Variants in PCDHGB4 observed in about 807,000 individuals in gnomAD.
The protein encoded by PCDHGB4 is protocadherin gamma-B4.
PCDHGB4 carries 38 observed loss-of-function variants against 60.5 expected under a neutral mutation model. That is an observed-to-expected ratio of 0.63 (90% confidence interval 0.48 to 0.82). The LOEUF (loss-of-function observed/expected upper bound fraction) is 0.82, where lower values mean the gene tolerates loss of function less well. Among genes scored for constraint, PCDHGB4 ranks in the 40% least tolerant of loss-of-function variants. The probability of loss-of-function intolerance (pLI) is 0.00; values close to 1 mark genes in which losing one functional copy is unlikely to be tolerated. For synonymous variants in PCDHGB4, 456 were observed against 509.7 expected (o/e 0.89, Z 1.42); for missense variants, 1,109 against 1,209.6 (o/e 0.92, Z 1.23).
intron 1 of PCDHGB4, chr5:141,393,872 T>G (rs774307056): frequency 1.2e-6 from 2 of 1,613,898 alleles, no homozygotes; most frequent in Admixed American, 3.3e-5. Flanking sequence ...CGTCTTTGTT[T>G]AGCCCAGTGT....
chr5:141,410,837 TTTTGTC>T, intron 1 of PCDHGB4: 3 of 501,732 alleles, frequency 6.0e-6, no homozygotes. Context: ...ACTGAAGATA[TTTTGTC>T]TTTGTCTTTT....
chr5:141,438,807 G>A (rs956766683), intron 1 of PCDHGB4, among the ~76,000 whole-genome samples: 13 of 149,270 alleles, frequency 8.7e-5, no homozygotes, highest in African/African-American at 1.7e-4. Context: ...GATTACAGGC[G>A]CCTGTCACCA....
intron 1 of PCDHGB4, chr5:141,478,852 A>G (rs2099480601): frequency 7.3e-7 from 1 of 1,367,502 alleles, no homozygotes; most frequent in African/African-American, 1.5e-5. Flanking sequence ...GCTAAAACAC[A>G]AGATCTCAGC....
intron 1 of PCDHGB4, among the ~76,000 whole-genome samples, chr5:141,472,071 A>G (rs1243864250): frequency 6.6e-6 from 1 of 152,200 alleles, no homozygotes. Context: ...GTCTGTGGTT[A>G]TATCAATGAG....
At chr5:141,450,006 C>CTTT (rs1554136305) in intron 1 of PCDHGB4, among the ~76,000 whole-genome samples, 1 of 132,986 alleles carries the variant, frequency 7.5e-6, no homozygotes, top group Non-Finnish European at 1.6e-5. Context: ...TGCCATGTCT[C>CTTT]TTTTTTTTTT....
At chr5:141,405,380 A>G in intron 1 of PCDHGB4, 1 of 1,602,960 alleles carries the variant, frequency 6.2e-7, no homozygotes, top group Non-Finnish European at 8.5e-7. Context: ...GGTTCCGGTG[A>G]GTTCATTTTT....
intron 1 of PCDHGB4, chr5:141,419,209 G>C: frequency 6.2e-7 from 1 of 1,613,900 alleles, no homozygotes; most frequent in Admixed American, 1.7e-5. Context: ...ACAACGCGCC[G>C]GTTTTCGGAC....
chr5:141,400,789 C>G (rs1415192979), intron 1 of PCDHGB4: 1 of 561,844 alleles, frequency 1.8e-6, no homozygotes, highest in Non-Finnish European at 3.1e-6. Context: ...TTTTTGTCCT[C>G]TTTCTCAAAG....
intron 1 of PCDHGB4, among the ~76,000 whole-genome samples, chr5:141,462,550 A>G (rs1485478117): frequency 6.6e-6 from 1 of 151,942 alleles, no homozygotes; most frequent in East Asian, 1.9e-4. Flanking sequence ...TTTCTTCTTC[A>G]GTGTTTACTG....
chr5:141,497,240 GA>G (rs1221446648), intron 2 of PCDHGB4, among the ~76,000 whole-genome samples: 125 of 152,188 alleles, frequency 8.2e-4, no homozygotes, highest in African/African-American at 3.0e-3. Flanking sequence ...AGGCTTCTAG[GA>G]GGAGGTGACA....
chr5:141,423,260 G>A (rs1402237346), intron 1 of PCDHGB4: 2 of 1,613,996 alleles, frequency 1.2e-6, no homozygotes, highest in South Asian at 1.1e-5. Flanking sequence ...GACCTCGGCA[G>A]CCTCGAGTCT....
chr5:141,475,213 G>C (rs1359120020), intron 1 of PCDHGB4, among the ~76,000 whole-genome samples: 2 of 152,170 alleles, frequency 1.3e-5, no homozygotes, highest in African/African-American at 4.8e-5. Context: ...GAAAAGGATT[G>C]ATCAAGTAAA....
chr5:141,426,596 C>T (rs1408090148), intron 1 of PCDHGB4: 9 of 377,102 alleles, frequency 2.4e-5, no homozygotes, highest in Middle Eastern at 3.9e-4. Context: ...GTGTCATACC[C>T]TTAGAGATTG....
Position 141,493,701 on chromosome 5 carries a change from C to G in PCDHGB4, c.2398-1106C>G, listed in dbSNP as rs2099749680. 6.6e-6 allele frequency among the ~76,000 whole-genome samples: 1 copy of G among 152,172 alleles called. No homozygotes were observed. Among genetic ancestry groups the G allele is most frequent in the Admixed American group, 6.5e-5 (1 of 15,286 alleles). On this transcript the variant is annotated intron_variant, in intron 1 of 3. Coordinates refer to ENST00000519479, the MANE Select transcript of PCDHGB4 (RefSeq NM_003736.4). This position sits in a 1 kb window ranked among gnomAD's most constrained non-coding sequence, Gnocchi z 4.3. Reference sequence around the variant, plus strand: ...ATGGTGCTGGTGACTCCCGATACACCTGGAATGCTAGGTTTCTGGGTTCTG... The same window carrying G: ...ATGGTGCTGGTGACTCCCGATACACGTGGAATGCTAGGTTTCTGGGTTCTG...
chr5:141,489,300 C>G lies in PCDHGB4; in HGVS notation c.2398-5507C>G. The G allele has an allele frequency of 6.3e-7, 1 of 1,585,700 alleles. No individual in the cohort carries two copies. The highest frequency in any genetic ancestry group is 1.2e-5 in the South Asian group (1 of 85,012). Reference sequence around the variant, plus strand: ...AATGGCAAGTGCTGTGCATGTTGTCCTTGTGCTGCTGGGGCTGGGTGTCTG... The same window carrying G: ...AATGGCAAGTGCTGTGCATGTTGTCGTTGTGCTGCTGGGGCTGGGTGTCTG... On this transcript the variant is annotated intron_variant, in intron 1 of 3. Coordinates refer to ENST00000519479, the MANE Select transcript of PCDHGB4 (RefSeq NM_003736.4). This position sits in a 1 kb window ranked among gnomAD's most constrained non-coding sequence, Gnocchi z 4.5.
chr5:141,455,587 T>C (rs1383947901), intron 1 of PCDHGB4, among the ~76,000 whole-genome samples: 1 of 152,162 alleles, frequency 6.6e-6, no homozygotes, highest in African/African-American at 2.4e-5. Flanking sequence ...CCTTTTAATA[T>C]GCAAACGTAG....
In PCDHGB4 at chr5:141,394,617, G is replaced by A. The variant is rs369651266; in HGVS notation, c.2397+4336G>A. The A allele has an allele frequency of 1.7e-5, 28 of 1,613,372 alleles. No individual in the cohort carries two copies. The Admixed American group carries it at 2.8e-4, about 16-fold the overall frequency. On this transcript the variant is annotated intron_variant, in intron 1 of 3. Coordinates refer to ENST00000519479, the MANE Select transcript of PCDHGB4 (RefSeq NM_003736.4). ...GGTGGACAGAGACTCGGGCCAGAAC[G>A]CCTGGCTGTCCTACCGCCTGCTCAA... is the stretch of plus-strand genomic sequence containing the variant.
At chr5:141,422,500 G>A (rs762511271) in intron 1 of PCDHGB4, 1 of 1,614,008 alleles carries the variant, frequency 6.2e-7, no homozygotes, top group Non-Finnish European at 8.5e-7. Flanking sequence ...AACGTTGACA[G>A]CCACAGACCA....
intron 2 of PCDHGB4, among the ~76,000 whole-genome samples, chr5:141,501,018 G>A (rs1337771734): frequency 2.0e-5 from 3 of 151,882 alleles, no homozygotes; most frequent in East Asian, 1.9e-4. Context: ...ACAGGCACGC[G>A]CCACCACGCC....
Sources: allele counts gnomAD v4.1 joint callset (sites outside exome capture counted in the v4.1 genomes callset), GRCh38; gene constraint gnomAD v4.1.1; non-coding constraint Gnocchi (gnomAD v3.1); transcripts MANE v1.5; gene names NCBI Gene and HGNC (gene_info 2026-07-23, HGNC 2026-07-21).